BCL2L13: variants seen among roughly 807,000 people sequenced by gnomAD.
BCL2L13 encodes bcl-2-like protein 13.
A neutral mutation model predicts 25.8 loss-of-function variants in BCL2L13; 13 were observed. The ratio of observed to expected loss-of-function variants is 0.50; its 90% confidence interval spans 0.33 to 0.80. The LOEUF (loss-of-function observed/expected upper bound fraction) is 0.80. Among genes scored for constraint, BCL2L13 ranks in the 30% least tolerant of loss-of-function variants. The probability of loss-of-function intolerance (pLI) is 0.02; values close to 1 mark genes in which losing one functional copy is unlikely to be tolerated. For missense variants in BCL2L13, 504 were observed against 574.9 expected, an observed-to-expected ratio of 0.88 and a Z score of 1.26; for synonymous variants, 244 against 230.3, an observed-to-expected ratio of 1.06 and a Z score of -0.54.
chr22:17,638,801 A>C lies in BCL2L13; in HGVS notation c.-136A>C. On this transcript the variant is annotated 5_prime_UTR_variant, in exon 1 of 7. Transcript: ENST00000317582. ...GCGGTAGATTAGGGCCGCGGGTCGG[A>C]GCACTCACCGCCGCTGGGGGACCCT... 8.1e-7 allele frequency: 1 copy of C among 1,231,868 alleles called. No individual in the cohort carries two copies. Among genetic ancestry groups the C allele is most frequent in the Non-Finnish European group, 1.0e-6 (1 of 988,142 alleles). The allele number at this position is 1,231,868 out of a possible 1,614,324, so 76.3% of individuals were successfully genotyped here. A position where few individuals can be genotyped will look rare whatever the true frequency, so the allele number is the denominator to read the frequency against.
chr22:17,670,527 A>G (rs1321313825), intron 2 of BCL2L13, among the ~76,000 whole-genome samples: 3 of 152,012 alleles, frequency 2.0e-5, no homozygotes, highest in Non-Finnish European at 4.4e-5. Flanking sequence ...GGCATGCGCC[A>G]TCATGCCTGG....
chr22:17,657,541 A>T lies in BCL2L13; in HGVS notation c.121+1709A>T, dbSNP rs552674591. ...TTTTTCTTTTTTTTTTTTGAGACGG[A>T]GTCTCGCTCTGTCCAGGCTAGAGTG... On this transcript the variant is annotated intron_variant, in intron 2 of 6. Transcript: ENST00000317582. Among the ~76,000 whole-genome samples the T allele has an allele frequency of 1.1e-3, 172 of 149,718 alleles. 1 individual carries two copies. Among genetic ancestry groups the T allele is most frequent in the African/African-American group, 4.2e-3 (170 of 40,536 alleles).
chr22:17,702,475 C>T (rs1193104041), intron 6 of BCL2L13, 89 bp downstream of exon 6: 31 of 1,278,592 alleles, frequency 2.4e-5, no homozygotes, highest in East Asian at 5.7e-5. Flanking sequence ...CTGTGTTACC[C>T]GGGCTGGAGT....
At chr22:17,685,760 C>CTTTTTCTTTTTTTTTTT (rs1284074134) in intron 3 of BCL2L13, among the ~76,000 whole-genome samples, 31 of 60,572 alleles carry the variant, frequency 5.1e-4, no homozygotes, top group East Asian at 1.5e-3. Flanking sequence ...TTTTCTTTTT[C>CTTTTTCTTTTTTTTTTT]TTTTTTTTTT....
intron 6 of BCL2L13, among the ~76,000 whole-genome samples, chr22:17,710,063 G>C (rs1227615388): frequency 1.9e-5 from 1 of 53,862 alleles, no homozygotes. Context: ...GTAAGACCTT[G>C]TCTTAAAAAA....
chr22:17,700,326 A>T (rs146738966), intron 5 of BCL2L13, among the ~76,000 whole-genome samples: 2 of 152,352 alleles, frequency 1.3e-5, no homozygotes, highest in African/African-American at 2.4e-5. Context: ...TTGCAGATTT[A>T]TCACTAGATT....
intron 1 of BCL2L13, among the ~76,000 whole-genome samples, chr22:17,648,666 A>G (rs1256946490): frequency 6.6e-6 from 1 of 152,168 alleles, no homozygotes; most frequent in Non-Finnish European, 1.5e-5. Context: ...GAATAAATAT[A>G]ATCCTTCACC....
chr22:17,647,040 C>T (rs1046077224), intron 1 of BCL2L13, among the ~76,000 whole-genome samples: 1 of 140,728 alleles, frequency 7.1e-6, no homozygotes, highest in Non-Finnish European at 1.5e-5. Flanking sequence ...GTGGCACAAT[C>T]TTGGCTAACT....
intron 3 of BCL2L13, among the ~76,000 whole-genome samples, chr22:17,687,548 G>T (rs866407028): frequency 6.6e-6 from 1 of 151,630 alleles, no homozygotes; most frequent in African/African-American, 2.4e-5. Flanking sequence ...CCAGAGTCTC[G>T]CTCTGTCACC....
rs569273880 is a variant in BCL2L13 at position 17,728,757 on chromosome 22, C to A, written c.*1223C>A. Reference sequence around the variant, plus strand: ...TAAGACTGAGGCTGCTCTGCAGATTCTAGTTTGGCTTTCAGAGTTCAAGAG... The same window carrying A: ...TAAGACTGAGGCTGCTCTGCAGATTATAGTTTGGCTTTCAGAGTTCAAGAG... On this transcript the variant is annotated 3_prime_UTR_variant, in exon 7 of 7. Coordinates refer to ENST00000317582, the MANE Select transcript of BCL2L13 (RefSeq NM_015367.4). 8 of 152,342 alleles carry A rather than the reference C, an allele frequency of 5.3e-5. No homozygotes were observed. In the South Asian group the frequency reaches 1.4e-3, roughly 28 times the overall value. 9.4% of individuals were successfully genotyped at this position (152,342 alleles called of 1,614,324 possible). A position where few individuals can be genotyped will look rare whatever the true frequency, so the allele number is the denominator to read the frequency against.
chr22:17,645,308 G>T (rs993232659), intron 1 of BCL2L13, among the ~76,000 whole-genome samples: 2 of 139,448 alleles, frequency 1.4e-5, no homozygotes, highest in African/African-American at 2.8e-5. Context: ...CGCAACCTCT[G>T]CTTTCTCGGT....
At chr22:17,726,376 A>T (rs1055046105) in intron 6 of BCL2L13, among the ~76,000 whole-genome samples, 59 of 149,736 alleles carry the variant, frequency 3.9e-4, no homozygotes, top group Non-Finnish European at 2.7e-4. Context: ...AAAACCTCAG[A>T]TTTTGGATCA....
At chr22:17,640,493 A>T (rs1860935537) in intron 1 of BCL2L13, among the ~76,000 whole-genome samples, 1 of 152,310 alleles carries the variant, frequency 6.6e-6, no homozygotes, top group South Asian at 2.1e-4. Flanking sequence ...CACATAATCT[A>T]ATCAACATGT....
intron 1 of BCL2L13, among the ~76,000 whole-genome samples, chr22:17,633,583 G>A (rs1490781184): frequency 6.6e-6 from 1 of 152,098 alleles, no homozygotes; most frequent in Non-Finnish European, 1.5e-5. Flanking sequence ...CCTACTCCCA[G>A]GCAGGTTTAC....
intron 1 of BCL2L13, among the ~76,000 whole-genome samples, chr22:17,649,978 C>T (rs1404542505): frequency 2.1e-5 from 3 of 145,982 alleles, no homozygotes; most frequent in African/African-American, 7.6e-5. Flanking sequence ...CTGAGCGATT[C>T]TCCTGCCTCA....
chr22:17,726,117 A>C (rs1160161336), intron 6 of BCL2L13, among the ~76,000 whole-genome samples: 1 of 152,064 alleles, frequency 6.6e-6, no homozygotes, highest in Non-Finnish European at 1.5e-5. Flanking sequence ...TTGGGAGGCC[A>C]AGGCGGGTGG....
chr22:17,697,302 G>A (rs1263116693), intron 5 of BCL2L13, among the ~76,000 whole-genome samples: 1 of 152,146 alleles, frequency 6.6e-6, no homozygotes, highest in Admixed American at 6.5e-5. Flanking sequence ...GCTGGGCATG[G>A]TGGCGCATGC....
chr22:17,638,905 C>T lies in BCL2L13; in HGVS notation c.-51+19C>T. 1.6e-6 allele frequency: 2 copies of T among 1,231,904 alleles called. No homozygotes were observed. The highest frequency in any genetic ancestry group is 3.2e-5 in the East Asian group (1 of 31,726). 76.3% of individuals were successfully genotyped at this position (1,231,904 alleles called of 1,614,324 possible). ...GGGCCAGGTGAGGGGAGTGGGGTTC[C>T]GGGAAGGCTGAGCTGGGTGAGGAGG... On this transcript the variant is annotated intron_variant, in intron 1 of 6. Coordinates refer to ENST00000317582, the MANE Select transcript of BCL2L13 (RefSeq NM_015367.4).
At chr22:17,710,430 AT>A (rs1175019049) in intron 6 of BCL2L13, among the ~76,000 whole-genome samples, 5 of 151,592 alleles carry the variant, frequency 3.3e-5, no homozygotes, top group Admixed American at 6.6e-5. Context: ...AAAAAAAAAA[AT>A]TCTCCGGGCA....
Sources: allele counts gnomAD v4.1 joint callset (sites outside exome capture counted in the v4.1 genomes callset), GRCh38; gene constraint gnomAD v4.1.1; transcripts MANE v1.5; gene names NCBI Gene and HGNC (gene_info 2026-07-23, HGNC 2026-07-21).